The following SGCZ variants were observed in gnomAD, a reference collection of about 807,000 sequenced individuals.
SGCZ encodes the protein sarcoglycan zeta, also known as zeta-sarcoglycan.
SGCZ carries 40 observed loss-of-function variants against 41.3 expected under a neutral mutation model. That is an observed-to-expected ratio of 0.97 (90% CI 0.75 to 1.26). The LOEUF (loss-of-function observed/expected upper bound fraction) is 1.26. Among genes scored for constraint, SGCZ ranks in the 50% most tolerant of loss-of-function variants. The probability of loss-of-function intolerance (pLI) is 0.00; values close to 1 mark genes in which losing one functional copy is unlikely to be tolerated. For synonymous variants in SGCZ, 206 were observed against 137.5 expected, an observed-to-expected ratio of 1.50 and a Z score of -3.49; for missense variants, 552 against 369.8, an observed-to-expected ratio of 1.49 and a Z score of -4.04.
chr8:15,102,910 C>A (rs1272348741), intron 1 of SGCZ, among the ~76,000 whole-genome samples: 1 of 152,088 alleles, frequency 6.6e-6, no homozygotes, highest in African/African-American at 2.4e-5. Context: ...TGAGTAGATT[C>A]TACTAACACA....
intron 1 of SGCZ, among the ~76,000 whole-genome samples, chr8:14,685,228 A>C (rs1215164648): frequency 2.0e-5 from 3 of 152,140 alleles, no homozygotes; most frequent in African/African-American, 7.2e-5. Flanking sequence ...GGAATAATTT[A>C]AATAGTAAAG....
intron 3 of SGCZ, among the ~76,000 whole-genome samples, chr8:14,246,656 C>T (rs1299538765): frequency 1.3e-5 from 2 of 151,302 alleles, no homozygotes; most frequent in African/African-American, 4.9e-5. Flanking sequence ...GCCTGTAATC[C>T]CAGCACTTTG....
At chr8:14,103,701 C>T (rs1373164350) in intron 6 of SGCZ, among the ~76,000 whole-genome samples, 1 of 151,936 alleles carries the variant, frequency 6.6e-6, no homozygotes, top group Non-Finnish European at 1.5e-5. Flanking sequence ...CCCTATGGGC[C>T]ATTTGGAGAT....
chr8:15,209,668 A>G (rs1801178969), intron 1 of SGCZ, among the ~76,000 whole-genome samples: 1 of 152,186 alleles, frequency 6.6e-6, no homozygotes, highest in Non-Finnish European at 1.5e-5. Context: ...GCTCAACACC[A>G]CATAGATATC....
chr8:14,829,233 C>CCAACACTCTGATAGGCCCCAGTGCATATT (rs375517040), intron 1 of SGCZ, among the ~76,000 whole-genome samples: 1 of 151,806 alleles, frequency 6.6e-6, no homozygotes, highest in African/African-American at 2.4e-5. Flanking sequence ...ATATTGTTGC[C>CCAACACTCTGATAGGCCCCAGTGCATATT]GTCTATATAT....
intron 1 of SGCZ, among the ~76,000 whole-genome samples, chr8:14,982,239 G>A (rs1322801769): frequency 6.6e-6 from 1 of 152,076 alleles, no homozygotes; most frequent in African/African-American, 2.4e-5. Context: ...CATTAGGGCT[G>A]CTGGTTATTG....
intron 1 of SGCZ, among the ~76,000 whole-genome samples, chr8:14,703,242 G>C (rs112931026): frequency 4.3e-4 from 65 of 151,890 alleles, no homozygotes; most frequent in African/African-American, 1.5e-3. Flanking sequence ...GCTCTTTCTT[G>C]ACTTCATCTC....
intron 5 of SGCZ, among the ~76,000 whole-genome samples, chr8:14,118,911 A>G (rs995053156): frequency 2.0e-5 from 3 of 152,228 alleles, no homozygotes; most frequent in Admixed American, 6.5e-5. Context: ...GTTCCGTTGC[A>G]TTGGTCTACA....
intron 1 of SGCZ, among the ~76,000 whole-genome samples, chr8:15,081,779 C>G (rs980368672): frequency 1.3e-5 from 2 of 152,082 alleles, no homozygotes; most frequent in African/African-American, 4.8e-5. Context: ...AGGCAAGTAA[C>G]TGGATTTATC....
intron 3 of SGCZ, among the ~76,000 whole-genome samples, chr8:14,275,502 T>C (rs1369291452): frequency 6.6e-6 from 1 of 152,156 alleles, no homozygotes; most frequent in Non-Finnish European, 1.5e-5. Flanking sequence ...TCCCTTTCTC[T>C]GTTTGATCAC....
chr8:14,739,970 G>A (rs1475420113), intron 1 of SGCZ, among the ~76,000 whole-genome samples: 2 of 151,928 alleles, frequency 1.3e-5, no homozygotes, highest in African/African-American at 4.8e-5. Context: ...ATATGGAAAT[G>A]GTCTCCCTAG....
chr8:14,882,970 T>G (rs1804649619), intron 1 of SGCZ, among the ~76,000 whole-genome samples: 1 of 152,108 alleles, frequency 6.6e-6, no homozygotes, highest in Non-Finnish European at 1.5e-5. Context: ...ATTTCTAATT[T>G]TATTGATTGC....
Position 14,811,712 on chromosome 8 carries a change from G to C in SGCZ, c.40-256786C>G, listed in dbSNP as rs137970693. Among the ~76,000 whole-genome samples, 214 of 151,610 alleles carry C rather than the reference G, an allele frequency of 1.4e-3. 2 individuals are homozygous for C. Among genetic ancestry groups the C allele is most frequent in the Admixed American group, 6.9e-3 (105 of 15,196 alleles). ...CCAAAAGCACAGGTTCTGACTATTA[G>C]ACGCACTGCCGTGATCATACAGAAG... On this transcript the variant is annotated intron_variant, in intron 1 of 7. Coordinates refer to ENST00000382080, the MANE Select transcript of SGCZ (RefSeq NM_139167.4).
chr8:14,326,982 T>C (rs1431395730), intron 2 of SGCZ, among the ~76,000 whole-genome samples: 1 of 143,720 alleles, frequency 7.0e-6, no homozygotes, highest in Non-Finnish European at 1.6e-5. Context: ...TGTGGTATTC[T>C]TAAAGTGGCA....
chr8:15,105,877 A>G (rs1806805969), intron 1 of SGCZ, among the ~76,000 whole-genome samples: 1 of 152,190 alleles, frequency 6.6e-6, no homozygotes, highest in African/African-American at 2.4e-5. Flanking sequence ...GGAGACAAGC[A>G]TATAGCAACA....
At position 15,204,212 on chromosome 8, in the gene SGCZ, A is replaced by G. The variant is rs545725075; in HGVS notation, c.39+33373T>C. On this transcript the variant is annotated intron_variant, in intron 1 of 7. Coordinates refer to ENST00000382080, the MANE Select transcript of SGCZ (RefSeq NM_139167.4). The stretch of plus-strand genomic sequence containing the variant: ...GTTGATCACCTTAAGATTGTTTCAT[A>G]ATAATTATATAGAGTTGGAGCCACC... 3.9e-5 allele frequency among the ~76,000 whole-genome samples: 6 copies of G among 152,308 alleles called. No individual in the cohort carries two copies. The South Asian group carries it at 1.2e-3, about 32-fold the overall frequency.
At position 14,414,302 on chromosome 8, in the gene SGCZ, A is replaced by C. The variant is rs181501431; in HGVS notation, c.235-90098T>G. Among the ~76,000 whole-genome samples the C allele has an allele frequency of 3.3e-3, 505 of 152,060 alleles. 1 individual carries two copies. Among genetic ancestry groups the C allele is most frequent in the Non-Finnish European group, 5.3e-3 (362 of 67,928 alleles). On this transcript the variant is annotated intron_variant, in intron 2 of 7. Coordinates refer to ENST00000382080, the MANE Select transcript of SGCZ (RefSeq NM_139167.4). ...TCAGTTGTTTATCTAGACGTTACTT[A>C]ATTTAGATATACTATATACGTATGA...
chr8:14,894,248 C>G (rs902250465), intron 1 of SGCZ, among the ~76,000 whole-genome samples: 2 of 151,628 alleles, frequency 1.3e-5, no homozygotes, highest in Non-Finnish European at 2.9e-5. Flanking sequence ...AACTGCTTTC[C>G]GAATTAAGTT....
In SGCZ at chr8:15,047,619, T is replaced by C. The variant is rs74777673; in HGVS notation, c.39+189966A>G. Among the ~76,000 whole-genome samples, 641 of 152,144 alleles carry C rather than the reference T, an allele frequency of 4.2e-3. 33 individuals are homozygous for C. In the East Asian group the frequency reaches 0.094, roughly 22 times the overall value. On this transcript the variant is annotated intron_variant, in intron 1 of 7. Coordinates refer to ENST00000382080, the MANE Select transcript of SGCZ (RefSeq NM_139167.4). ...AGTACAGGGATCTCAGGAGTGTTTA[T>C]GCCAATGCAAGGATCTCATAATCTA...
Sources: allele counts gnomAD v4.1 joint callset (sites outside exome capture counted in the v4.1 genomes callset), GRCh38; gene constraint gnomAD v4.1.1; transcripts MANE v1.5; gene names NCBI Gene and HGNC (gene_info 2026-07-23, HGNC 2026-07-21).